Variants in FRMD4A observed in about 807,000 individuals in gnomAD.
The protein encoded by FRMD4A is FERM domain-containing protein 4A.
In FRMD4A, 29 loss-of-function variants were observed where a neutral mutation model predicts 129.1. The observed-to-expected ratio is 0.22, with a 90% CI of 0.17 to 0.31. The LOEUF is 0.31. Among genes scored for constraint, FRMD4A ranks in the 10% least tolerant of loss-of-function variants. FRMD4A has a pLI of 1.00. For synonymous variants in FRMD4A, 634 were observed against 571.6 expected (o/e 1.11, Z -1.56); for missense variants, 1,272 against 1,375.8 (o/e 0.92, Z 1.19).
chr10:14,002,326 T>C lies in FRMD4A; in HGVS notation c.46-143414A>G, dbSNP rs187416846. Among the ~76,000 whole-genome samples, 538 of 152,338 alleles carry C rather than the reference T, an allele frequency of 3.5e-3. 3 individuals carry two copies. The highest frequency in any genetic ancestry group is 0.013 in the South Asian group (62 of 4,826). On this transcript the variant is annotated intron_variant, in intron 2 of 24. Transcript: ENST00000357447. ...ATTGGCTGTTCATGCATTAACTTTGTTCCACTTAAAGATGTACAGCATGGT... is the reference window on the plus strand; with the variant it reads ...ATTGGCTGTTCATGCATTAACTTTGCTCCACTTAAAGATGTACAGCATGGT...
At chr10:13,959,097 T>G (rs1247993125) in intron 2 of FRMD4A, among the ~76,000 whole-genome samples, 1 of 152,186 alleles carries the variant, frequency 6.6e-6, no homozygotes, top group Non-Finnish European at 1.5e-5. Context: ...CAATGGGCAC[T>G]TGCAAGTATG....
At chr10:14,045,456 C>G (rs981146129) in intron 2 of FRMD4A, among the ~76,000 whole-genome samples, 1 of 152,034 alleles carries the variant, frequency 6.6e-6, no homozygotes, top group East Asian at 1.9e-4. Flanking sequence ...TACGCACACA[C>G]TTTGCCCCCT....
In FRMD4A at chr10:14,158,169, G is replaced by A. The variant is rs556307673; in HGVS notation, c.45+171889C>T. On this transcript the variant is annotated intron_variant, in intron 2 of 24. Transcript: ENST00000357447. The stretch of plus-strand genomic sequence containing the variant: ...TCTCCTTGTATAAGCAATGGGAGGA[G>A]CTGGAGAAGAATTTGGAGAAGAAAA... 1.1e-4 allele frequency among the ~76,000 whole-genome samples: 16 copies of A among 152,298 alleles called. No individual in the cohort carries two copies. The South Asian group carries it at 3.3e-3, about 32-fold the overall frequency.
intron 18 of FRMD4A, among the ~76,000 whole-genome samples, chr10:13,663,994 G>A (rs528544723): frequency 2.0e-4 from 31 of 152,290 alleles, no homozygotes; most frequent in Non-Finnish European, 4.3e-4. Context: ...GAAAACAAGC[G>A]TGCTAAATAC....
chr10:14,007,835 C>G (rs944865743), intron 2 of FRMD4A, among the ~76,000 whole-genome samples: 1 of 152,074 alleles, frequency 6.6e-6, no homozygotes, highest in Non-Finnish European at 1.5e-5. Flanking sequence ...TCTAAGAGCA[C>G]CCCTCCCCCA....
chr10:13,897,675 G>A (rs545575369), intron 2 of FRMD4A, among the ~76,000 whole-genome samples: 3 of 152,228 alleles, frequency 2.0e-5, no homozygotes, highest in East Asian at 3.9e-4. Flanking sequence ...AGTGGCTCAA[G>A]CCTGTAATCC....
intron 2 of FRMD4A, among the ~76,000 whole-genome samples, chr10:14,148,703 A>T (rs1416557344): frequency 6.6e-6 from 1 of 151,986 alleles, no homozygotes; most frequent in East Asian, 1.9e-4. Flanking sequence ...TGGAGGTTGC[A>T]GTAAGCCGAG....
At chr10:13,978,813 T>C (rs1440322500) in intron 2 of FRMD4A, among the ~76,000 whole-genome samples, 1 of 152,214 alleles carries the variant, frequency 6.6e-6, no homozygotes, top group Non-Finnish European at 1.5e-5. Flanking sequence ...AAAAATATTT[T>C]GGGTCCCTGG....
chr10:13,796,177 A>G (rs569505599), intron 5 of FRMD4A, among the ~76,000 whole-genome samples: 3 of 152,218 alleles, frequency 2.0e-5, no homozygotes, highest in African/African-American at 7.2e-5. Context: ...AAAGAATCCC[A>G]CGGCCTGTGC....
chr10:13,940,131 T>A (rs755102708), intron 2 of FRMD4A, among the ~76,000 whole-genome samples: 1 of 151,588 alleles, frequency 6.6e-6, no homozygotes, highest in Non-Finnish European at 1.5e-5. Flanking sequence ...ACCCTTTCAG[T>A]TTCCCCAAGT....
intron 2 of FRMD4A, among the ~76,000 whole-genome samples, chr10:14,004,147 A>G (rs1285914076): frequency 1.3e-5 from 2 of 152,258 alleles, no homozygotes; most frequent in Non-Finnish European, 2.9e-5. Flanking sequence ...TCACCACGAC[A>G]CAATATACTG....
chr10:13,897,298 T>C (rs1357308634), intron 2 of FRMD4A, among the ~76,000 whole-genome samples: 3 of 152,214 alleles, frequency 2.0e-5, no homozygotes, highest in Non-Finnish European at 4.4e-5. Flanking sequence ...GAAATACTTT[T>C]CTTTTTGTTA....
chr10:14,310,751 A>T (rs1359837297), intron 2 of FRMD4A, among the ~76,000 whole-genome samples: 1 of 152,158 alleles, frequency 6.6e-6, no homozygotes, highest in African/African-American at 2.4e-5. Context: ...ACCTTGTCCA[A>T]CCAATCTTAT....
chr10:14,047,990 C>T (rs546148584), intron 2 of FRMD4A, among the ~76,000 whole-genome samples: 5 of 152,202 alleles, frequency 3.3e-5, no homozygotes, highest in African/African-American at 7.2e-5. Context: ...AGGCATTTAG[C>T]GCACAGCCCA....
intron 2 of FRMD4A, among the ~76,000 whole-genome samples, chr10:14,174,063 C>T (rs1049490005): frequency 2.0e-5 from 3 of 152,062 alleles, no homozygotes; most frequent in Non-Finnish European, 4.4e-5. Flanking sequence ...AATCCTCATG[C>T]CAGTTTCTGT....
At chr10:14,238,722 C>T (rs939474020) in intron 2 of FRMD4A, among the ~76,000 whole-genome samples, 1 of 152,016 alleles carries the variant, frequency 6.6e-6, no homozygotes, top group African/African-American at 2.4e-5. Flanking sequence ...TGTGATGTTC[C>T]CCTCCCTGTG....
chr10:13,707,854 C>T (rs1290649971), intron 12 of FRMD4A: 1 of 985,092 alleles, frequency 1.0e-6, no homozygotes, highest in Non-Finnish European at 1.2e-6. Flanking sequence ...ATGAAGGGGC[C>T]CTGGCGGTCA....
intron 2 of FRMD4A, among the ~76,000 whole-genome samples, chr10:14,310,355 G>A (rs1846503168): frequency 6.6e-6 from 1 of 152,184 alleles, no homozygotes; most frequent in Non-Finnish European, 1.5e-5. Flanking sequence ...AAATTATTTA[G>A]GCAGACAGTG....
At chr10:13,922,338 C>T (rs1378806008) in intron 2 of FRMD4A, among the ~76,000 whole-genome samples, 1 of 151,616 alleles carries the variant, frequency 6.6e-6, no homozygotes, top group Non-Finnish European at 1.5e-5. Context: ...TAAATAAAGA[C>T]AGGCAATGGT....
Sources: gnomAD v4.1 joint callset for allele counts (sites outside exome capture counted in the v4.1 genomes callset) on GRCh38, gnomAD v4.1.1 for gene constraint, MANE v1.5 for transcripts, NCBI Gene and HGNC (gene_info 2026-07-23, HGNC 2026-07-21) for gene names.